OR52N4: variants seen among roughly 807,000 people sequenced by gnomAD.
OR52N4 encodes olfactory receptor 52N4.
OR52N4 carries 15 observed loss-of-function variants against 15.0 expected under a neutral mutation model. The ratio of observed to expected loss-of-function variants is 1.00; its 90% CI spans 0.67 to 1.54. OR52N4 has a LOEUF of 1.54. OR52N4 is among the 40% of genes most tolerant of loss of function. The pLI is 0.00. For missense variants in OR52N4, 421 were observed against 394.0 expected (o/e 1.07, Z -0.58); for synonymous variants, 143 against 143.7 (o/e 1.00, Z 0.03).
At chr11:5,730,892 G>T in the OR52N4 span, among the ~76,000 whole-genome samples, 7 of 151,664 alleles carry the variant, frequency 4.6e-5, no homozygotes, top group East Asian at 1.2e-3. Context: ...ATGACCGATG[G>T]TGTGCTTAAC....
chr11:5,734,377 A>T, the OR52N4 span: 1 of 305,140 alleles, frequency 3.3e-6, no homozygotes, highest in African/African-American at 2.2e-5. Context: ...AGAGGATTAG[A>T]GGGCCTTTCC....
chr11:5,755,228 T>A lies in OR52N4; in HGVS notation c.488T>A (p.Phe163Tyr). Residue 163 changes from phenylalanine to tyrosine, a missense_variant, in exon 2 of 2, where the codon TTC (phenylalanine) becomes TAC (tyrosine). Phe to Tyr is a conservative substitution (Grantham distance 22). Transcript: ENST00000641350. ...GTATTACTCATTATTCCCTTTACTT[T>A]CCTCACCAAGCTCCTGCCCTACTGC... ...RGVLLIIPFT[F>Y]LTKLLPYCRG... 1 of 1,614,020 alleles carries A rather than the reference T, an allele frequency of 6.2e-7. No individual in the cohort carries two copies. Among genetic ancestry groups the A allele is most frequent in the South Asian group, 1.1e-5 (1 of 91,068 alleles).
chr11:5,750,673 T>C (rs1182688060), upstream of OR52N4, among the ~76,000 whole-genome samples: 8 of 119,970 alleles, frequency 6.7e-5, no homozygotes, highest in Admixed American at 3.7e-4. Flanking sequence ...ATGTAAAAAA[T>C]CTGAAAAATA....
chr11:5,752,648 TA>T (rs1187434754), upstream of OR52N4, among the ~76,000 whole-genome samples: 1 of 152,208 alleles, frequency 6.6e-6, no homozygotes, highest in African/African-American at 2.4e-5. Context: ...TTTTTGTTAT[TA>T]TAAATTCTAA....
the OR52N4 span, chr11:5,727,085 C>G: frequency 6.5e-6 from 1 of 152,808 alleles, no homozygotes; most frequent in Non-Finnish European, 1.5e-5. Flanking sequence ...GACACCAGGC[C>G]TAACCGTGTG....
At position 5,755,151 on chromosome 11, in the gene OR52N4, C is replaced by T; in HGVS notation, c.411C>T (p.Ile137=). 3 of 1,614,060 alleles carry T rather than the reference C, an allele frequency of 1.9e-6. No homozygotes were observed. Among genetic ancestry groups the T allele is most frequent in the Non-Finnish European group, 2.5e-6 (3 of 1,179,996 alleles). The change falls in exon 2 of 2, where the codon ATC becomes ATT. Residue 137 remains isoleucine (I), a synonymous_variant. Transcript: ENST00000641350. The stretch of plus-strand genomic sequence containing the variant: ...GCTACCCCTTACGCTATTCAACTAT[C>T]CTCACCAATCCTGTAATTGCAAAGG... ...AICYPLRYST[I]LTNPVIAKVG...
chr11:5,753,014 G>A (rs1006569106), upstream of OR52N4, among the ~76,000 whole-genome samples: 2 of 152,084 alleles, frequency 1.3e-5, no homozygotes, highest in African/African-American at 4.8e-5. Context: ...TTCATTGTGG[G>A]AATGTACCAA....
chr11:5,736,787 C>T, the OR52N4 span: 1 of 1,614,032 alleles, frequency 6.2e-7, no homozygotes, highest in Non-Finnish European at 8.5e-7. Context: ...CCCTAAGATC[C>T]TGGCCATCTT....
the OR52N4 span, chr11:5,734,273 A>T: frequency 2.2e-6 from 1 of 451,376 alleles, no homozygotes; most frequent in South Asian, 1.6e-5. Context: ...CTTTGGCTAA[A>T]TTCCAGAGAG....
At chr11:5,735,242 G>C in the OR52N4 span, among the ~76,000 whole-genome samples, 1 of 152,022 alleles carries the variant, frequency 6.6e-6, no homozygotes, top group African/African-American at 2.4e-5. Flanking sequence ...TTTTAGCATA[G>C]AGTAAGTATT....
At position 5,755,202 on chromosome 11, in the gene OR52N4, G is replaced by A. The variant is rs759847073; in HGVS notation, c.462G>A (p.Gly154=). ...TTGGGACTGCCACCTTCCTGAGAGG[G>A]GTATTACTCATTATTCCCTTTACTT... is the stretch of plus-strand genomic sequence containing the variant. ...AKVGTATFLR[G]VLLIIPFTFL... Residue 154 remains glycine (G), a synonymous_variant, in exon 2 of 2, where the codon GGG becomes GGA. Transcript: ENST00000641350. 5 of 1,613,836 alleles carry A rather than the reference G, an allele frequency of 3.1e-6. No individual in the cohort carries two copies. In the East Asian group the frequency reaches 1.1e-4, roughly 36 times the overall value.
chr11:5,732,532 C>A, the OR52N4 span, among the ~76,000 whole-genome samples: 4 of 152,092 alleles, frequency 2.6e-5, no homozygotes, highest in Non-Finnish European at 4.4e-5. Context: ...GAATCAATTT[C>A]TTTGCCTTCT....
chr11:5,751,972 T>C (rs1854201333), upstream of OR52N4, among the ~76,000 whole-genome samples: 1 of 152,046 alleles, frequency 6.6e-6, no homozygotes, highest in African/African-American at 2.4e-5. Context: ...GCTTGAAGAA[T>C]GTATAGGGAT....
chr11:5,736,619 T>A, the OR52N4 span: 1 of 1,614,064 alleles, frequency 6.2e-7, no homozygotes, highest in African/African-American at 1.3e-5. Flanking sequence ...CTGGCAACAC[T>A]GGCTATCTCT....
the OR52N4 span, chr11:5,736,245 A>G: frequency 9.5e-6 from 4 of 423,252 alleles, no homozygotes; most frequent in Non-Finnish European, 1.7e-5. Context: ...GTTAATGGAC[A>G]TCTATATCAA....
the OR52N4 span, among the ~76,000 whole-genome samples, chr11:5,738,715 T>A: frequency 6.6e-6 from 1 of 152,100 alleles, no homozygotes; most frequent in African/African-American, 2.4e-5. Flanking sequence ...AGGAGGTCGA[T>A]ATAGAAATTT....
chr11:5,736,877 T>C, the OR52N4 span: 2 of 1,613,966 alleles, frequency 1.2e-6, no homozygotes, highest in African/African-American at 1.3e-5. Context: ...GGGCATGGAG[T>C]CTGGTATCCT....
upstream of OR52N4, among the ~76,000 whole-genome samples, chr11:5,751,816 A>C (rs535176103): frequency 6.6e-6 from 1 of 152,246 alleles, no homozygotes; most frequent in African/African-American, 2.4e-5. Flanking sequence ...TCATGAGGGA[A>C]ATATTATTAA....
chr11:5,739,929 A>T, the OR52N4 span, among the ~76,000 whole-genome samples: 135 of 128,282 alleles, frequency 1.1e-3, 28 homozygotes, highest in African/African-American at 3.4e-3. Flanking sequence ...CCCGGCTAAG[A>T]CTTTCTCAGA....
Sources: allele counts gnomAD v4.1 joint callset (sites outside exome capture counted in the v4.1 genomes callset), GRCh38; gene constraint gnomAD v4.1.1; transcripts MANE v1.5; gene names NCBI Gene and HGNC (gene_info 2026-07-23, HGNC 2026-07-21).